The following ARL3 variants were observed in gnomAD, a reference collection of about 807,000 sequenced individuals.
The protein encoded by ARL3 is ARF like GTPase 3, also known as ADP-ribosylation factor-like protein 3.
In ARL3, 9 loss-of-function variants were observed where a neutral mutation model predicts 26.0. The observed-to-expected ratio is 0.35, with a 90% CI of 0.21 to 0.60. The LOEUF (loss-of-function observed/expected upper bound fraction) is 0.60, where lower values mean the gene tolerates loss of function less well. Ranked by LOEUF, ARL3 falls within the 20% of genes least tolerant of loss-of-function variation. ARL3 has a pLI of 0.78. For synonymous variants in ARL3, 71 were observed against 78.4 expected (o/e 0.91, Z 0.50); for missense variants, 158 against 215.7 (o/e 0.73, Z 1.67).
chr10:102,699,420 T>G lies in ARL3; in HGVS notation c.217A>C (p.Lys73Gln). The change falls in exon 3 of 6, where the codon AAA (lysine) becomes CAA (glutamine). Residue 73 changes from lysine to glutamine, a missense_variant. Lys to Gln is a moderately conservative substitution (Grantham distance 53). Transcript: ENST00000260746. ...TAATTCTTCCAGTATGGTCTGATTTTCCTCTGTCCACCAATGTCCCATACA... is the reference window on the plus strand; with the variant it reads ...TAATTCTTCCAGTATGGTCTGATTTGCCTCTGTCCACCAATGTCCCATACA... ...LNVWDIGGQR[K>Q]IRPYWKNYFE... 1 of 1,613,156 alleles carries G rather than the reference T, an allele frequency of 6.2e-7. No homozygotes were observed.
chr10:102,708,908 A>ATATATATATATATATATATATATTT, intron 1 of ARL3, among the ~76,000 whole-genome samples: 1 of 95,350 alleles, frequency 1.0e-5, no homozygotes, highest in African/African-American at 4.2e-5. Flanking sequence ...ATATATATAT[A>ATATATATATATATATATATATATTT]TTTTTTTTTT....
In ARL3 at chr10:102,705,379, T is replaced by C. The variant is rs139645455; in HGVS notation, c.114A>G (p.Ala38=). 1.2e-3 allele frequency: 1,877 copies of C among 1,611,100 alleles called. 21 individuals carry two copies. In the South Asian group the frequency reaches 0.015, roughly 13 times the overall value. The part of the protein sequence containing the change: ...AGKTTLLKQL[A]SEDISHITPT... Reference sequence around the variant, plus strand: ...GTGTGATGTGGCTGATGTCTTCAGATGCAAGCTGCTTCAGAAGAGTGGTCT... The same window carrying C: ...GTGTGATGTGGCTGATGTCTTCAGACGCAAGCTGCTTCAGAAGAGTGGTCT... Residue 38 remains alanine (A), a synonymous_variant, in exon 2 of 6, where the codon GCA becomes GCG. Coordinates refer to ENST00000260746, the MANE Select transcript of ARL3 (RefSeq NM_004311.4).
At chr10:102,687,432 G>A (rs956466775) in intron 4 of ARL3, among the ~76,000 whole-genome samples, 2 of 151,718 alleles carry the variant, frequency 1.3e-5, no homozygotes, top group South Asian at 2.1e-4. Context: ...GGCCAGGCGC[G>A]GTGGCTCACC....
Position 102,699,472 on chromosome 10 carries a change from A to G in ARL3, c.165T>C (p.Ser55=), listed in dbSNP as rs1421615447. 2 of 1,606,750 alleles carry G rather than the reference A, an allele frequency of 1.2e-6. No homozygotes were observed. Among genetic ancestry groups the G allele is most frequent in the Non-Finnish European group, 8.5e-7 (1 of 1,174,930 alleles). The change falls in exon 3 of 6, where the codon AGT becomes AGC. Residue 55 remains serine (S), a synonymous_variant. Transcript: ENST00000260746. Reference sequence around the variant, plus strand: ...TCAGTTTAAAACCTTGTGATTGTACACTTTTGATGTTGAAACCCTGAAACA... The same window carrying G: ...TCAGTTTAAAACCTTGTGATTGTACGCTTTTGATGTTGAAACCCTGAAACA... ...ITPTQGFNIK[S]VQSQGFKLNV...
chr10:102,696,546 G>A (rs865867899), intron 3 of ARL3, among the ~76,000 whole-genome samples: 1 of 152,190 alleles, frequency 6.6e-6, no homozygotes, highest in African/African-American at 2.4e-5. Flanking sequence ...TTACAGGCGT[G>A]AGCCACCGCA....
chr10:102,694,570 C>T (rs1018731248), intron 3 of ARL3, among the ~76,000 whole-genome samples: 1 of 151,972 alleles, frequency 6.6e-6, no homozygotes, highest in Non-Finnish European at 1.5e-5. Context: ...CCCATTATTC[C>T]AGCGCCACTT....
intron 4 of ARL3, 56 bp downstream of exon 4, chr10:102,689,837 A>C (rs997895713): frequency 8.2e-7 from 1 of 1,213,132 alleles, no homozygotes; most frequent in Middle Eastern, 2.9e-4. Flanking sequence ...CTCAAAAAAA[A>C]AAAAGTACAT....
At chr10:102,708,909 T>TATATATA (rs561344200) in intron 1 of ARL3, among the ~76,000 whole-genome samples, 1,125 of 80,104 alleles carry the variant, frequency 0.014, 7 homozygotes, top group Non-Finnish European at 0.021. Context: ...TATATATATA[T>TATATATA]TTTTTTTTTT....
chr10:102,677,705 C>A (rs1308300792), intron 5 of ARL3, among the ~76,000 whole-genome samples: 1 of 152,174 alleles, frequency 6.6e-6, no homozygotes, highest in East Asian at 1.9e-4. Flanking sequence ...TTCCCAACCC[C>A]CTTTGGAGCC....
chr10:102,687,083 G>T (rs2064191904), intron 4 of ARL3, among the ~76,000 whole-genome samples: 2 of 150,216 alleles, frequency 1.3e-5, no homozygotes, highest in Admixed American at 1.3e-4. Flanking sequence ...TCACCATCTT[G>T]GCCAGGCTAG....
intron 3 of ARL3, among the ~76,000 whole-genome samples, chr10:102,690,492 G>A (rs2064211242): frequency 6.6e-6 from 1 of 151,844 alleles, no homozygotes; most frequent in African/African-American, 2.4e-5. Context: ...CACCATGTCG[G>A]CCAGGCTGGT....
intron 3 of ARL3, among the ~76,000 whole-genome samples, chr10:102,696,078 C>T (rs2064245592): frequency 6.6e-6 from 1 of 151,532 alleles, no homozygotes; most frequent in African/African-American, 2.4e-5. Flanking sequence ...ATTCTCCTGC[C>T]TCAGCCTCCC....
At chr10:102,686,655 G>A (rs2064188552) in intron 4 of ARL3, among the ~76,000 whole-genome samples, 2 of 151,034 alleles carry the variant, frequency 1.3e-5, no homozygotes, top group Non-Finnish European at 2.9e-5. Context: ...AGTAGAGATG[G>A]GTTTTCACCA....
chr10:102,691,002 T>C (rs2136001013), intron 3 of ARL3, among the ~76,000 whole-genome samples: 1 of 151,916 alleles, frequency 6.6e-6, no homozygotes, highest in East Asian at 1.9e-4. Flanking sequence ...ATTACAGGCA[T>C]GCACCACCAG....
Position 102,675,128 on chromosome 10 carries a change from A to G in ARL3, c.*1766T>C, listed in dbSNP as rs1434219992. ...CCTTATAATTCTGTGTTGCCTCTGT[A>G]AGGGAGAGCTTGGGTGAGCCAGAGA... On this transcript the variant is annotated 3_prime_UTR_variant, in exon 6 of 6. Transcript: ENST00000260746. 6.6e-6 allele frequency: 1 copy of G among 152,212 alleles called. No individual in the cohort carries two copies. Among genetic ancestry groups the G allele is most frequent in the Admixed American group, 6.5e-5 (1 of 15,284 alleles). 9.4% of individuals were successfully genotyped at this position (152,212 alleles called of 1,614,324 possible).
chr10:102,705,764 A>G (rs1366140521), intron 1 of ARL3, among the ~76,000 whole-genome samples: 1 of 152,060 alleles, frequency 6.6e-6, no homozygotes, highest in Non-Finnish European at 1.5e-5. Flanking sequence ...GGGAGTGTGA[A>G]CTCTACCCCA....
At chr10:102,685,310 C>T (rs186946757) in intron 5 of ARL3, among the ~76,000 whole-genome samples, 23 of 149,112 alleles carry the variant, frequency 1.5e-4, no homozygotes, top group African/African-American at 5.7e-4. Context: ...TTCCTCAGTA[C>T]AAAGCATGGG....
At position 102,676,226 on chromosome 10, in the gene ARL3, G is replaced by A. The variant is rs751274462; in HGVS notation, c.*668C>T. 1 of 152,326 alleles carries A rather than the reference G, an allele frequency of 6.6e-6. No individual in the cohort carries two copies. The highest frequency in any genetic ancestry group is 1.5e-5 in the Non-Finnish European group (1 of 68,006). 9.4% of individuals were successfully genotyped at this position (152,326 alleles called of 1,614,324 possible). ...GGCAGAGGCAGGGGTGGGTGGGATG[G>A]GGTATGTTTCTGTAGTGACTTGTCT... On this transcript the variant is annotated 3_prime_UTR_variant, in exon 6 of 6. Coordinates refer to ENST00000260746, the MANE Select transcript of ARL3 (RefSeq NM_004311.4).
chr10:102,697,057 C>T (rs1473530719), intron 3 of ARL3, among the ~76,000 whole-genome samples: 2 of 152,102 alleles, frequency 1.3e-5, no homozygotes, highest in African/African-American at 4.8e-5. Context: ...CACGAAGTTA[C>T]TGTATCGAAT....
Sources: gnomAD v4.1 joint callset for allele counts (sites outside exome capture counted in the v4.1 genomes callset) on GRCh38, gnomAD v4.1.1 for gene constraint, MANE v1.5 for transcripts, NCBI Gene and HGNC (gene_info 2026-07-23, HGNC 2026-07-21) for gene names.